OVOL2: variants seen among roughly 807,000 people sequenced by gnomAD.
The protein encoded by OVOL2 is ovo like zinc finger 2, also known as transcription factor Ovo-like 2.
Under a neutral mutation model 18.1 loss-of-function variants are expected in OVOL2, and 13 were observed. That is an observed-to-expected ratio of 0.72 (90% CI 0.47 to 1.14). The LOEUF is 1.14. Among genes scored for constraint, OVOL2 ranks in the 50% most tolerant of loss-of-function variants. The probability of loss-of-function intolerance (pLI) is 0.00; values close to 1 mark genes in which losing one functional copy is unlikely to be tolerated. For missense variants in OVOL2, 335 were observed against 383.0 expected (o/e 0.87, Z 1.05); for synonymous variants, 166 against 162.7 (o/e 1.02, Z -0.16).
At chr20:18,026,864 TG>T (rs1264734086) in intron 3 of OVOL2, among the ~76,000 whole-genome samples, 1 of 151,968 alleles carries the variant, frequency 6.6e-6, no homozygotes, top group Non-Finnish European at 1.5e-5. Flanking sequence ...GGTCACCCCT[TG>T]AGCCAGTGGC....
intron 3 of OVOL2, among the ~76,000 whole-genome samples, chr20:18,038,017 G>A (rs141398726): frequency 5.3e-4 from 81 of 152,238 alleles, no homozygotes; most frequent in African/African-American, 1.7e-3. Context: ...ATCCTTCAAC[G>A]CCCAGCTGAA....
chr20:18,057,156 G>A lies in OVOL2; in HGVS notation c.101-279C>T, dbSNP rs1397772333. ...CGCGCGCCAAGTTTCCTCTCAGGGC[G>A]GGGGAGGCGGATCTGACCTCTCCCC... On this transcript the variant is annotated intron_variant, in intron 1 of 3. Transcript: ENST00000278780. The surrounding 1 kb of genome is among the most constrained non-coding windows in gnomAD (Gnocchi z 6.3). Among the ~76,000 whole-genome samples the A allele has an allele frequency of 6.6e-6, 1 of 150,928 alleles. No individual in the cohort carries two copies. Among genetic ancestry groups the A allele is most frequent in the African/African-American group, 2.4e-5 (1 of 40,988 alleles).
At chr20:18,047,673 G>A (rs188675964) in intron 2 of OVOL2, among the ~76,000 whole-genome samples, 6,205 of 143,930 alleles carry the variant, frequency 0.043, 192 homozygotes, top group African/African-American at 0.064. Flanking sequence ...GACCAACATG[G>A]TGAAACCCCG....
intron 3 of OVOL2, among the ~76,000 whole-genome samples, chr20:18,030,555 C>T (rs971044056): frequency 1.3e-5 from 2 of 152,206 alleles, no homozygotes; most frequent in Admixed American, 6.5e-5. Flanking sequence ...TCAGTCAACA[C>T]AGCCTCTGAG....
intron 2 of OVOL2, among the ~76,000 whole-genome samples, chr20:18,050,955 C>T (rs540283595): frequency 6.6e-6 from 1 of 152,154 alleles, no homozygotes; most frequent in Non-Finnish European, 1.5e-5. Context: ...GTATTCAAGT[C>T]TGTCTTGGGA....
intron 3 of OVOL2, among the ~76,000 whole-genome samples, chr20:18,025,325 T>C (rs2036502877): frequency 3.3e-5 from 5 of 152,148 alleles, no homozygotes; most frequent in Non-Finnish European, 1.5e-5. Context: ...CCCAGCACTT[T>C]GGGAGGCCGA....
chr20:18,050,487 A>C lies in OVOL2; in HGVS notation c.321+6170T>G, dbSNP rs118051393. Among the ~76,000 whole-genome samples, 737 of 152,336 alleles carry C rather than the reference A, an allele frequency of 4.8e-3. 1 individual carries two copies. Among genetic ancestry groups the C allele is most frequent in the Non-Finnish European group, 8.4e-3 (574 of 68,030 alleles). ...GTCCATTTAATACCTTTCTCTGCTT[A>C]AACTAGCTATAGTGGATTCTGATGT... On this transcript the variant is annotated intron_variant, in intron 2 of 3. Coordinates refer to ENST00000278780, the MANE Select transcript of OVOL2 (RefSeq NM_021220.4).
intron 2 of OVOL2, among the ~76,000 whole-genome samples, chr20:18,053,948 C>A (rs1412358714): frequency 6.6e-6 from 1 of 152,192 alleles, no homozygotes; most frequent in Non-Finnish European, 1.5e-5. Context: ...TCAGCCCACA[C>A]TGCCCTCAGG....
chr20:18,045,761 G>A (rs1023900578), intron 2 of OVOL2, among the ~76,000 whole-genome samples: 1 of 152,158 alleles, frequency 6.6e-6, no homozygotes, highest in Non-Finnish European at 1.5e-5. Context: ...TTACAGGCGT[G>A]AGCCACAATG....
At chr20:18,042,717 G>A (rs578184628) in intron 2 of OVOL2, among the ~76,000 whole-genome samples, 23 of 149,190 alleles carry the variant, frequency 1.5e-4, no homozygotes, top group Non-Finnish European at 2.7e-4. Flanking sequence ...CAAAGGTTGC[G>A]GTGAGCCAAG....
At chr20:18,051,074 G>A (rs1254080004) in intron 2 of OVOL2, among the ~76,000 whole-genome samples, 1 of 152,096 alleles carries the variant, frequency 6.6e-6, no homozygotes, top group Non-Finnish European at 1.5e-5. Flanking sequence ...ACAACAAAAT[G>A]AATGAAATAA....
chr20:18,041,703 G>A lies in OVOL2; in HGVS notation c.342C>T (p.Ser114=), dbSNP rs373225008. 5.3e-5 allele frequency: 85 copies of A among 1,612,964 alleles called. No homozygotes were observed. Among genetic ancestry groups the A allele is most frequent in the Non-Finnish European group, 7.0e-5 (82 of 1,179,554 alleles). ...GGTCACAGCTGTGAACCACCGAGTC[G>A]CTGCACGTGCCTGTGGTGAACTGGG... ...SKIKFTTGTC[S]DSVVHSCDLC... is the part of the protein sequence containing the mutation. Residue 114 remains serine (S), a synonymous_variant, in exon 3 of 4, where the codon AGC becomes AGT. Coordinates refer to ENST00000278780, the MANE Select transcript of OVOL2 (RefSeq NM_021220.4).
At chr20:18,048,746 G>T (rs2036746310) in intron 2 of OVOL2, among the ~76,000 whole-genome samples, 1 of 152,008 alleles carries the variant, frequency 6.6e-6, no homozygotes, top group Non-Finnish European at 1.5e-5. Flanking sequence ...ATGACAAAAA[G>T]CTCTGACAAC....
chr20:18,041,433 A>G (rs6136266), intron 3 of OVOL2, 101 bp downstream of exon 3: 321,515 of 1,360,926 alleles, frequency 0.24, 41,097 homozygotes, highest in African/African-American at 0.47. Context: ...TAGAAACACA[A>G]CATTGTTCCA....
chr20:18,057,771 C>CG lies in OVOL2; in HGVS notation c.-138dup, dbSNP rs1019459759. 1.5e-5 allele frequency: 21 copies of CG among 1,409,790 alleles called. No individual in the cohort carries two copies. In the East Asian group the frequency reaches 2.8e-4, roughly 19 times the overall value. 87.3% of individuals were successfully genotyped at this position (1,409,790 alleles called of 1,614,324 possible). A position where few individuals can be genotyped will look rare whatever the true frequency, so the allele number is the denominator to read the frequency against. On this transcript the variant is annotated 5_prime_UTR_variant, in exon 1 of 4. The change abolishes the stop of an existing upstream ORF in the 5' untranslated region. Transcript: ENST00000278780. This position sits in a 1 kb window ranked among gnomAD's most constrained non-coding sequence, Gnocchi z 6.3. ...TCGCCTGCCCTCTTCCTCCACCCCC[C>CG]GCCGCGGCGCGGCCCAGGCCTCTCC...
chr20:18,024,990 A>C, intron 3 of OVOL2, 38 bp from the exon 4 acceptor site: 1 of 1,580,402 alleles, frequency 6.3e-7, no homozygotes. Context: ...TCGGTTGGTC[A>C]TGGCCAAGCC....
Position 18,032,443 on chromosome 20 carries a change from A to C in OVOL2, c.512-7491T>G, listed in dbSNP as rs142736900. On this transcript the variant is annotated intron_variant, in intron 3 of 3. Coordinates refer to ENST00000278780, the MANE Select transcript of OVOL2 (RefSeq NM_021220.4). ...CTGCAAATGGAAACAAATGTCATCA[A>C]TTGAGGAATAGGAAAAGTACAGTCC... is the stretch of plus-strand genomic sequence containing the variant. Among the ~76,000 whole-genome samples the C allele has an allele frequency of 5.0e-3, 760 of 152,204 alleles. 2 individuals carry two copies. The highest frequency in any genetic ancestry group is 8.5e-3 in the Non-Finnish European group (576 of 68,020).
At chr20:18,027,504 C>A (rs1385419766) in intron 3 of OVOL2, among the ~76,000 whole-genome samples, 5 of 142,778 alleles carry the variant, frequency 3.5e-5, no homozygotes, top group African/African-American at 1.3e-4. Context: ...CTCTAGCCTG[C>A]GCAACAGAGC....
chr20:18,033,684 C>T (rs913160572), intron 3 of OVOL2, among the ~76,000 whole-genome samples: 35 of 152,220 alleles, frequency 2.3e-4, no homozygotes, highest in African/African-American at 8.2e-4. Context: ...ATGCTCGCTC[C>T]TGGGGACTCT....
Sources: gnomAD v4.1 joint callset for allele counts (sites outside exome capture counted in the v4.1 genomes callset) on GRCh38, gnomAD v4.1.1 for gene constraint, Gnocchi (gnomAD v3.1) non-coding constraint, MANE v1.5 for transcripts, NCBI Gene and HGNC (gene_info 2026-07-23, HGNC 2026-07-21) for gene names.